Variants in CDH26 observed in about 807,000 individuals in gnomAD.
The protein encoded by CDH26 is cadherin 26.
CDH26 carries 83 observed loss-of-function variants against 90.3 expected under a neutral mutation model. The observed-to-expected ratio is 0.92, with a 90% CI of 0.77 to 1.10. CDH26 has a LOEUF of 1.10. Ranked by LOEUF, CDH26 falls within the 50% of genes least tolerant of loss-of-function variation. CDH26 has a pLI of 0.00. For missense variants in CDH26, 1,013 were observed against 1,037.6 expected (o/e 0.98, Z 0.33); for synonymous variants, 397 against 396.3 (o/e 1.00, Z -0.02).
At chr20:60,017,624 A>G (rs1396821327), downstream of CDH26, among the ~76,000 whole-genome samples, 2 of 151,660 alleles carry the variant, frequency 1.3e-5, no homozygotes, top group East Asian at 3.9e-4. Context: ...TCTGATCTTT[A>G]TTATTTCTTT....
exon 8 of CDH26, chr20:60,031,328 A>G: frequency 7.7e-7 from 1 of 1,296,042 alleles, no homozygotes; most frequent in Middle Eastern, 2.1e-4. Flanking sequence ...ATTTACAAGG[A>G]GATGATGCCA....
Position 60,002,754 on chromosome 20 carries a change from TG to T in CDH26, c.2167-58del. 6.0e-6 allele frequency: 8 copies of T among 1,339,126 alleles called. No homozygotes were observed. The South Asian group carries it at 1.1e-4, about 18-fold the overall frequency. The allele number at this position is 1,339,126 out of a possible 1,614,324, so 83.0% of individuals were successfully genotyped here. A position where few individuals can be genotyped will look rare whatever the true frequency, so the allele number is the denominator to read the frequency against. On this transcript the variant is annotated intron_variant, in intron 15 of 17. Coordinates refer to ENST00000348616, the MANE Select transcript of CDH26 (RefSeq NM_177980.4). ...ATATGACTGCAAGAATTTCTAGTTA[TG>T]TATTTGCATCCTTTGGTAATTTATT...
chr20:60,029,467 C>A (rs1459439465), intron 7 of CDH26, among the ~76,000 whole-genome samples: 1 of 152,176 alleles, frequency 6.6e-6, no homozygotes, highest in Admixed American at 6.5e-5. Context: ...CTATAGTCAA[C>A]AATGCACTTC....
chr20:59,976,855 C>G (rs1312913408), intron 4 of CDH26, among the ~76,000 whole-genome samples: 1 of 152,016 alleles, frequency 6.6e-6, no homozygotes, highest in African/African-American at 2.4e-5. Flanking sequence ...TCATGCGAAA[C>G]AGTACAGAGG....
Position 59,995,802 on chromosome 20 carries a change from A to G in CDH26, c.1667-31A>G, listed in dbSNP as rs757634619. 2.1e-5 allele frequency: 34 copies of G among 1,586,584 alleles called. No homozygotes were observed. The South Asian group carries it at 3.5e-4, about 17-fold the overall frequency. ...GAGCAGATGAGCAGATGAGTGAGTC[A>G]ATGCATGCCATGTTCTTTTTCCCTT... On this transcript the variant is annotated intron_variant, in intron 11 of 17. Transcript: ENST00000348616.
chr20:59,991,609 C>A lies in CDH26; in HGVS notation c.1284-769C>A, dbSNP rs532805603. ...CAATCCCTTTAAAAACTGTGACCCA[C>A]GCAACATGAGAGAGGGATCCTTGCT... On this transcript the variant is annotated intron_variant, in intron 9 of 17. Coordinates refer to ENST00000348616, the MANE Select transcript of CDH26 (RefSeq NM_177980.4). 3.3e-5 allele frequency among the ~76,000 whole-genome samples: 5 copies of A among 152,300 alleles called. No homozygotes were observed. The South Asian group carries it at 1.0e-3, about 32-fold the overall frequency.
At chr20:59,967,861 C>A (rs2061177525) in intron 1 of CDH26, among the ~76,000 whole-genome samples, 3 of 108,182 alleles carry the variant, frequency 2.8e-5, no homozygotes, top group African/African-American at 1.5e-4. Flanking sequence ...TTCTTTCTTT[C>A]TTTCTTTCTT....
intron 4 of CDH26, among the ~76,000 whole-genome samples, chr20:59,976,152 G>T (rs1240444923): frequency 6.6e-6 from 1 of 152,188 alleles, no homozygotes; most frequent in Non-Finnish European, 1.5e-5. Flanking sequence ...ATTTGGCGCT[G>T]AAGGTGTTCC....
chr20:60,012,098 G>T (rs2061851595), intron 17 of CDH26, among the ~76,000 whole-genome samples: 1 of 152,138 alleles, frequency 6.6e-6, no homozygotes, highest in Admixed American at 6.5e-5. Flanking sequence ...GAGCACATTT[G>T]TGGGTCGGGA....
chr20:60,034,468 C>A (rs1350777136), downstream of CDH26, among the ~76,000 whole-genome samples: 1 of 152,130 alleles, frequency 6.6e-6, no homozygotes, highest in African/African-American at 2.4e-5. Flanking sequence ...CTGGCCCTGC[C>A]CTTGAAGTCT....
At position 60,012,595 on chromosome 20, in the gene CDH26, G is replaced by A; in HGVS notation, c.2364G>A (p.Gly788=). The stretch of plus-strand genomic sequence containing the variant: ...TACCTCACGTCTACAGCGAGGAAGG[G>A]GAGTGTGGAGGGGCCCCATCCCTCA... ...GYLPHVYSEE[G]ECGGAPSLSS... The change falls in exon 18 of 18, where the codon GGG becomes GGA. Residue 788 remains glycine (G), a synonymous_variant. Coordinates refer to ENST00000348616, the MANE Select transcript of CDH26 (RefSeq NM_177980.4). The A allele has an allele frequency of 6.2e-7, 1 of 1,614,214 alleles. No individual in the cohort carries two copies.
At chr20:59,967,810 C>CTT in intron 1 of CDH26, among the ~76,000 whole-genome samples, 1 of 123,104 alleles carries the variant, frequency 8.1e-6, no homozygotes, top group Non-Finnish European at 1.8e-5. Context: ...CCCTCCCTCC[C>CTT]TCATTTCTTT....
At chr20:59,976,591 G>A (rs902784641) in intron 4 of CDH26, among the ~76,000 whole-genome samples, 2 of 152,192 alleles carry the variant, frequency 1.3e-5, no homozygotes, top group Non-Finnish European at 2.9e-5. Flanking sequence ...CATACATTAT[G>A]GAGGAGAATG....
At chr20:59,967,719 C>T (rs932486946) in intron 1 of CDH26, among the ~76,000 whole-genome samples, 2 of 150,092 alleles carry the variant, frequency 1.3e-5, no homozygotes, top group African/African-American at 5.0e-5. Flanking sequence ...ACCATTCTCT[C>T]TCTTTCTTTC....
chr20:60,014,213 T>C lies in CDH26; in HGVS notation c.*1483T>C, dbSNP rs1200990871. The C allele has an allele frequency of 6.6e-6, 1 of 152,218 alleles. No individual in the cohort carries two copies. The highest frequency in any genetic ancestry group is 1.5e-5 in the Non-Finnish European group (1 of 68,040). The allele number at this position is 152,218 out of a possible 1,614,324, so 9.4% of individuals were successfully genotyped here. Reference sequence around the variant, plus strand: ...TACATATTTAGGGGGTACATAGTCATGTTTCAATACATTTACAGTGATCAG... The same window carrying C: ...TACATATTTAGGGGGTACATAGTCACGTTTCAATACATTTACAGTGATCAG... On this transcript the variant is annotated 3_prime_UTR_variant, in exon 18 of 18. Coordinates refer to ENST00000348616, the MANE Select transcript of CDH26 (RefSeq NM_177980.4).
At chr20:59,996,556 C>T (rs2061599435) in intron 12 of CDH26, 75 bp from the exon 13 acceptor site, 1 of 1,614,228 alleles carries the variant, frequency 6.2e-7, no homozygotes, top group Non-Finnish European at 8.5e-7. Context: ...TATACATGAA[C>T]AGAACAAGAT....
Position 60,011,591 on chromosome 20 carries a change from C to T in CDH26, c.2296-936C>T, listed in dbSNP as rs574495568. 2.0e-5 allele frequency among the ~76,000 whole-genome samples: 3 copies of T among 152,286 alleles called. No individual in the cohort carries two copies. In the South Asian group the frequency reaches 6.2e-4, roughly 32 times the overall value. On this transcript the variant is annotated intron_variant, in intron 17 of 17. Transcript: ENST00000348616. ...GCCAGTTCCCACAGCTCAGCCCTGC[C>T]ATTGTTCCGTGAAAGCAGCCACAGA...
chr20:59,991,611 CAACA>C (rs1185757674), intron 9 of CDH26, among the ~76,000 whole-genome samples: 1 of 152,174 alleles, frequency 6.6e-6, no homozygotes, highest in Non-Finnish European at 1.5e-5. Context: ...GTGACCCACG[CAACA>C]TGAGAGAGGG....
intron 16 of CDH26, among the ~76,000 whole-genome samples, chr20:60,006,420 G>A (rs1167434444): frequency 4.6e-5 from 7 of 152,066 alleles, no homozygotes; most frequent in African/African-American, 1.4e-4. Flanking sequence ...AGGCATGAGT[G>A]AGGGTGTCAG....
Sources: gnomAD v4.1 joint callset for allele counts (sites outside exome capture counted in the v4.1 genomes callset) on GRCh38, gnomAD v4.1.1 for gene constraint, MANE v1.5 for transcripts, NCBI Gene and HGNC (gene_info 2026-07-23, HGNC 2026-07-21) for gene names.